The following SIPA1L2 variants were observed in gnomAD, a reference collection of about 807,000 sequenced individuals.
SIPA1L2 encodes signal-induced proliferation-associated 1-like protein 2.
SIPA1L2 carries 56 observed loss-of-function variants against 163.9 expected under a neutral mutation model. The observed-to-expected ratio is 0.34, with a 90% CI of 0.28 to 0.43. SIPA1L2 has a LOEUF of 0.43. SIPA1L2 is among the 20% of genes least tolerant of loss of function. The pLI is 1.00. For synonymous variants in SIPA1L2, 877 were observed against 865.7 expected (o/e 1.01, Z -0.23); for missense variants, 1,974 against 2,193.5 (o/e 0.90, Z 2.00).
Position 232,515,325 on chromosome 1 carries a change from C to A in SIPA1L2, c.15G>T (p.Arg5Ser), listed in dbSNP as rs1667174903. 6.3e-7 allele frequency: 1 copy of A among 1,595,698 alleles called. No homozygotes were observed. The highest frequency in any genetic ancestry group is 8.5e-7 in the Non-Finnish European group (1 of 1,169,972). ...GCTTGTGCTTCTCTTCTTGTGACTG[C>A]CTTGGGTCACTCATGTCTACCGAGG... Reference protein sequence around the residue: MSDPRQSQEEKHKLG... With the variant: MSDPSQSQEEKHKLG... Residue 5 changes from arginine to serine, a missense_variant, in exon 3 of 23, where the codon AGG (arginine) becomes AGT (serine). Around this residue, in one of 3 missense-constraint regions of SIPA1L2, gnomAD observed 607 missense variants for 624.0 expected, o/e 0.97. Coordinates refer to ENST00000674635, the MANE Select transcript of SIPA1L2 (RefSeq NM_020808.5).
At chr1:232,442,552 G>GAAAAAAAAA (rs59025710) in intron 12 of SIPA1L2, among the ~76,000 whole-genome samples, 4 of 74,730 alleles carry the variant, frequency 5.4e-5, no homozygotes, top group African/African-American at 2.0e-4. Context: ...CATCTCAAAA[G>GAAAAAAAAA]AAAAAAAAAA....
intron 1 of SIPA1L2, among the ~76,000 whole-genome samples, chr1:232,582,749 C>A (rs570216012): frequency 6.6e-5 from 10 of 152,278 alleles, no homozygotes; most frequent in African/African-American, 2.2e-4. Flanking sequence ...ACTGGGTGAA[C>A]TAATCTGCAT....
At chr1:232,431,894 G>C (rs929460667) in intron 16 of SIPA1L2, among the ~76,000 whole-genome samples, 1 of 152,130 alleles carries the variant, frequency 6.6e-6, no homozygotes, top group African/African-American at 2.4e-5. Context: ...TCACTTACAC[G>C]GCAACTTTAA....
chr1:232,584,454 C>T (rs1312933834), intron 1 of SIPA1L2, among the ~76,000 whole-genome samples: 1 of 152,168 alleles, frequency 6.6e-6, no homozygotes, highest in Non-Finnish European at 1.5e-5. Context: ...CGATAGAGAC[C>T]GTGTGATCTG....
intron 3 of SIPA1L2, among the ~76,000 whole-genome samples, chr1:232,494,740 C>T (rs1666093014): frequency 6.6e-6 from 1 of 152,148 alleles, no homozygotes; most frequent in East Asian, 1.9e-4. Flanking sequence ...GGAACAATTA[C>T]CCAAATGCTT....
chr1:232,422,664 C>CT (rs1661639801), intron 18 of SIPA1L2, among the ~76,000 whole-genome samples: 1 of 150,190 alleles, frequency 6.7e-6, no homozygotes, highest in African/African-American at 2.5e-5. Flanking sequence ...CTGCCCAACT[C>CT]TATCTACACA....
At chr1:232,496,805 C>T (rs1666218312) in intron 3 of SIPA1L2, among the ~76,000 whole-genome samples, 1 of 149,052 alleles carries the variant, frequency 6.7e-6, no homozygotes, top group African/African-American at 2.6e-5. Flanking sequence ...CCAAATGCAT[C>T]ATAAGCCAAA....
At chr1:232,545,538 G>A (rs978046840) in intron 2 of SIPA1L2, among the ~76,000 whole-genome samples, 1 of 152,112 alleles carries the variant, frequency 6.6e-6, no homozygotes, top group African/African-American at 2.4e-5. Context: ...GAAGCTACAA[G>A]TTTTGTCTAT....
Position 232,445,557 on chromosome 1 carries a change from A to G in SIPA1L2, c.3325T>C (p.Phe1109Leu). 6.2e-7 allele frequency: 1 copy of G among 1,613,928 alleles called. No individual in the cohort carries two copies. The highest frequency in any genetic ancestry group is 8.5e-7 in the Non-Finnish European group (1 of 1,179,918). ...AQAAIPRSTS[F>L]DRKLPDGTRS... ...GTGCCATCGGGCAGCTTCCGGTCGA[A>G]GGAGGTGCTTCGAGGAATGGCAGCC... is the stretch of plus-strand genomic sequence containing the variant. The change falls in exon 11 of 23, where the codon TTC (phenylalanine) becomes CTC (leucine). Residue 1109 changes from phenylalanine to leucine, a missense_variant. Transcript: ENST00000674635.
At chr1:232,405,834 A>G (rs556322201) in intron 19 of SIPA1L2, among the ~76,000 whole-genome samples, 2 of 152,222 alleles carry the variant, frequency 1.3e-5, no homozygotes, top group Non-Finnish European at 2.9e-5. Context: ...AAGTCTAAAT[A>G]CATGGATGAA....
chr1:232,508,137 G>A (rs1176539125), intron 3 of SIPA1L2, among the ~76,000 whole-genome samples: 6 of 152,160 alleles, frequency 3.9e-5, no homozygotes, highest in South Asian at 2.1e-4. Flanking sequence ...ACGCGCTCCT[G>A]TGCCAGCAGA....
intron 2 of SIPA1L2, among the ~76,000 whole-genome samples, chr1:232,531,968 G>A (rs117780363): frequency 2.0e-5 from 3 of 152,198 alleles, no homozygotes; most frequent in Non-Finnish European, 2.9e-5. Context: ...AAGGTAGCGG[G>A]CTCAGATCCG....
At chr1:232,471,894 A>G (rs1267711652) in intron 7 of SIPA1L2, among the ~76,000 whole-genome samples, 1 of 152,220 alleles carries the variant, frequency 6.6e-6, no homozygotes, top group Non-Finnish European at 1.5e-5. Context: ...GAGAGGGTAC[A>G]GGTTTGCTGA....
chr1:232,572,970 G>A (rs1419964551), intron 2 of SIPA1L2, among the ~76,000 whole-genome samples: 3 of 151,320 alleles, frequency 2.0e-5, no homozygotes, highest in Non-Finnish European at 2.9e-5. Flanking sequence ...TAGTAGAGAC[G>A]GGGTTTCTCC....
At position 232,514,440 on chromosome 1, in the gene SIPA1L2, A is replaced by G. The variant is rs1667123960; in HGVS notation, c.900T>C (p.Ser300=). 1.2e-6 allele frequency: 2 copies of G among 1,614,094 alleles called. No individual in the cohort carries two copies. The highest frequency in any genetic ancestry group is 1.7e-6 in the Non-Finnish European group (2 of 1,180,048). Residue 300 remains serine (S), a synonymous_variant, in exon 3 of 23, where the codon AGT becomes AGC. Transcript: ENST00000674635. ...SLFRKLRTVK[S]EHETFKFTSE... The stretch of plus-strand genomic sequence containing the variant: ...ACGTGAACTTGAAAGTTTCGTGCTC[A>G]CTTTTAACAGTTCGAAGCTTTCGGA...
At chr1:232,597,239 A>G (rs1364043206) in intron 1 of SIPA1L2, among the ~76,000 whole-genome samples, 3 of 152,258 alleles carry the variant, frequency 2.0e-5, no homozygotes, top group African/African-American at 7.2e-5. Flanking sequence ...TACCCCACAC[A>G]CACAGGCCTG....
Position 232,439,360 on chromosome 1 carries a change from C to T in SIPA1L2, c.3779G>A (p.Gly1260Glu), listed in dbSNP as rs1376968925. 2 of 1,614,028 alleles carry T rather than the reference C, an allele frequency of 1.2e-6. No homozygotes were observed. The highest frequency in any genetic ancestry group is 2.2e-5 in the East Asian group (1 of 44,886). ...GTCGATGCCACTGTCGGTGGAGGCC[C>T]CTTTGATGTAGGTCAGCCCCAGTAA... Reference protein sequence around the residue: ...PELLGLTYIKGASTDSGIDTA... With the variant: ...PELLGLTYIKEASTDSGIDTA... Residue 1260 changes from glycine (G) to glutamate (E), a missense_variant, in exon 15 of 23, where the codon GGG becomes GAG. Physicochemically the swap from Gly to Glu is moderately conservative, Grantham distance 98. Coordinates refer to ENST00000674635, the MANE Select transcript of SIPA1L2 (RefSeq NM_020808.5).
chr1:232,412,046 C>A (rs766857883), intron 19 of SIPA1L2, among the ~76,000 whole-genome samples: 4 of 152,134 alleles, frequency 2.6e-5, no homozygotes, highest in Non-Finnish European at 5.9e-5. Flanking sequence ...GGTCCTTGCA[C>A]GAATAGAGTT....
At chr1:232,602,762 G>A (rs955917876) in intron 1 of SIPA1L2, among the ~76,000 whole-genome samples, 4 of 152,334 alleles carry the variant, frequency 2.6e-5, no homozygotes, top group African/African-American at 9.6e-5. Context: ...GCTAGACAGC[G>A]GTATCTACAG....
Sources: gnomAD v4.1 joint callset for allele counts (sites outside exome capture counted in the v4.1 genomes callset) on GRCh38, gnomAD v4.1.1 for gene constraint, gnomAD v4.1.1 regional missense constraint, MANE v1.5 for transcripts, NCBI Gene and HGNC (gene_info 2026-07-23, HGNC 2026-07-21) for gene names.